FBN2: variants seen among roughly 807,000 people sequenced by gnomAD.
The protein encoded by FBN2 is fibrillin-2.
Under a neutral mutation model 355.6 loss-of-function variants are expected in FBN2, and 105 were observed. The observed-to-expected ratio is 0.30, with a 90% CI of 0.25 to 0.35. The LOEUF (loss-of-function observed/expected upper bound fraction) is 0.35. Among genes scored for constraint, FBN2 ranks in the 10% least tolerant of loss-of-function variants. FBN2 has a pLI of 1.00. For missense variants in FBN2, 3,280 were observed against 3,758.7 expected (o/e 0.87, Z 3.33); for synonymous variants, 1,350 against 1,301.2 (o/e 1.04, Z -0.81).
intron 21 of FBN2, 68 bp from the exon 22 acceptor site, chr5:128,350,073 G>T: frequency 7.8e-7 from 1 of 1,283,198 alleles, no homozygotes; most frequent in Non-Finnish European, 1.1e-6. Context: ...TGCTCAAGAA[G>T]AAGTATAATG....
chr5:128,269,479 ACAAAC>A (rs1639909278), intron 62 of FBN2, among the ~76,000 whole-genome samples: 1 of 151,320 alleles, frequency 6.6e-6, no homozygotes, highest in African/African-American at 2.4e-5. Flanking sequence ...CAAAAACCCA[ACAAAC>A]CATTGTCTCA....
Position 128,446,572 on chromosome 5 carries a change from G to C in FBN2, c.861C>G (p.Cys287Trp). The change falls in exon 7 of 65, where the codon TGC (cysteine) becomes TGG (tryptophan). Residue 287 changes from cysteine (C) to tryptophan (W), a missense_variant. Transcript: ENST00000262464. ...CTGTATTGATACAGTTTCCTCCTTG[G>C]CATATCCCTGGGATAGCCTGGCATT... ...VDECQAIPGI[C>W]QGGNCINTVG... 6.2e-7 allele frequency: 1 copy of C among 1,613,626 alleles called. No individual in the cohort carries two copies. Among genetic ancestry groups the C allele is most frequent in the Non-Finnish European group, 8.5e-7 (1 of 1,179,662 alleles).
At chr5:128,450,997 A>G (rs1269014546) in intron 6 of FBN2, among the ~76,000 whole-genome samples, 3 of 152,168 alleles carry the variant, frequency 2.0e-5, no homozygotes, top group African/African-American at 7.2e-5. Flanking sequence ...ACACATATTC[A>G]GGATGATGGT....
chr5:128,263,945 T>C (rs1160383382), intron 62 of FBN2, among the ~76,000 whole-genome samples: 2 of 152,166 alleles, frequency 1.3e-5, no homozygotes, highest in Admixed American at 1.3e-4. Context: ...ACTCTTCTAT[T>C]CTCTTAACAG....
chr5:128,289,552 C>T (rs1206418302), intron 51 of FBN2, among the ~76,000 whole-genome samples: 1 of 151,962 alleles, frequency 6.6e-6, no homozygotes, highest in African/African-American at 2.4e-5. Context: ...CGCACCACTG[C>T]ATTCCAGCGG....
chr5:128,345,194 TA>T (rs1358324960), intron 24 of FBN2, among the ~76,000 whole-genome samples, 162 bp downstream of exon 24: 1 of 152,210 alleles, frequency 6.6e-6, no homozygotes, highest in Non-Finnish European at 1.5e-5. Flanking sequence ...TGCCATCTTA[TA>T]GGGGATTTAT....
intron 34 of FBN2, among the ~76,000 whole-genome samples, chr5:128,319,406 G>C (rs1395373998): frequency 6.7e-6 from 1 of 148,666 alleles, no homozygotes; most frequent in Non-Finnish European, 1.5e-5. Context: ...GTTAATAAAT[G>C]TTTTATATTA....
chr5:128,356,671 C>A (rs1057246446), intron 20 of FBN2, among the ~76,000 whole-genome samples: 1 of 152,122 alleles, frequency 6.6e-6, no homozygotes, highest in Non-Finnish European at 1.5e-5. Flanking sequence ...TAATATACAT[C>A]CCATGTCATT....
intron 6 of FBN2, among the ~76,000 whole-genome samples, chr5:128,461,448 C>T (rs1008747258): frequency 6.6e-6 from 1 of 152,184 alleles, no homozygotes; most frequent in African/African-American, 2.4e-5. Flanking sequence ...TATGGCGATT[C>T]CTCAAGGGTC....
At chr5:128,301,029 A>G (rs1749700739) in intron 47 of FBN2, 93 bp from the exon 48 acceptor site, 5 of 1,198,946 alleles carry the variant, frequency 4.2e-6, no homozygotes, top group African/African-American at 1.5e-5. Context: ...CATGAATTCA[A>G]CTCGGGTCCT....
At chr5:128,343,789 TG>T (rs1421650120) in intron 25 of FBN2, among the ~76,000 whole-genome samples, 2 of 152,274 alleles carry the variant, frequency 1.3e-5, no homozygotes, top group African/African-American at 4.8e-5. Flanking sequence ...ATTTAATGAC[TG>T]TATTTCTTTA....
intron 57 of FBN2, 30 bp downstream of exon 57, chr5:128,278,605 T>C: frequency 1.3e-6 from 2 of 1,582,064 alleles, no homozygotes; most frequent in Non-Finnish European, 8.7e-7. Flanking sequence ...AATGTGTTGA[T>C]TATATGAATA....
chr5:128,356,311 T>C (rs1751502734), intron 20 of FBN2, among the ~76,000 whole-genome samples: 1 of 152,220 alleles, frequency 6.6e-6, no homozygotes. Flanking sequence ...ATTTTGGACT[T>C]GGTCATTTGT....
At chr5:128,511,652 A>G (rs1462627331) in intron 5 of FBN2, among the ~76,000 whole-genome samples, 3 of 152,284 alleles carry the variant, frequency 2.0e-5, no homozygotes, top group African/African-American at 4.8e-5. Context: ...TCACAACACA[A>G]TGAAAAGAGC....
At chr5:128,291,863 T>C (rs1749332293) in intron 48 of FBN2, among the ~76,000 whole-genome samples, 1 of 152,140 alleles carries the variant, frequency 6.6e-6, no homozygotes, top group South Asian at 2.1e-4. Flanking sequence ...CAAGTCCATG[T>C]CCACCTTCCT....
At chr5:128,481,291 T>A (rs937285224) in intron 5 of FBN2, among the ~76,000 whole-genome samples, 1 of 152,220 alleles carries the variant, frequency 6.6e-6, no homozygotes, top group African/African-American at 2.4e-5. Flanking sequence ...TTCATGACTG[T>A]TAGCCTTTAT....
At chr5:128,266,475 G>C (rs1425770385) in intron 62 of FBN2, among the ~76,000 whole-genome samples, 1 of 152,242 alleles carries the variant, frequency 6.6e-6, no homozygotes, top group African/African-American at 2.4e-5. Flanking sequence ...CCTTGTCAAA[G>C]TGCTCACCCC....
At chr5:128,265,080 G>A (rs750414970) in intron 62 of FBN2, among the ~76,000 whole-genome samples, 5 of 152,146 alleles carry the variant, frequency 3.3e-5, no homozygotes, top group Non-Finnish European at 5.9e-5. Context: ...GGGGAAGAAC[G>A]TAGATACGAT....
At chr5:128,310,382 ATATATATATATATATATATATT>A (rs1416891440) in intron 39 of FBN2, among the ~76,000 whole-genome samples, 1 of 12,780 alleles carries the variant, frequency 7.8e-5, no homozygotes, top group East Asian at 3.9e-3. Context: ...ATATATATAT[ATATATATATATATATATATATT>A]TTTTTTTTTT....
Sources: allele counts gnomAD v4.1 joint callset (sites outside exome capture counted in the v4.1 genomes callset), GRCh38; gene constraint gnomAD v4.1.1; transcripts MANE v1.5; gene names NCBI Gene and HGNC (gene_info 2026-07-23, HGNC 2026-07-21).